GABRB3: variants seen among roughly 807,000 people sequenced by gnomAD.
GABRB3 encodes the protein gamma-aminobutyric acid receptor subunit beta-3.
In GABRB3, 14 loss-of-function variants were observed where a neutral mutation model predicts 52.1. That is an observed-to-expected ratio of 0.27 (90% confidence interval 0.18 to 0.42). GABRB3 has a LOEUF of 0.42. GABRB3 is among the 10% of genes least tolerant of loss of function. GABRB3 has a pLI of 1.00. For synonymous variants in GABRB3, 260 were observed against 232.3 expected, an observed-to-expected ratio of 1.12 and a Z score of -1.08; for missense variants, 307 against 609.1, an observed-to-expected ratio of 0.50 and a Z score of 5.22.
chr15:26,759,140 G>GT (rs2140180943), intron 3 of GABRB3, among the ~76,000 whole-genome samples: 1 of 152,132 alleles, frequency 6.6e-6, no homozygotes, highest in African/African-American at 2.4e-5. Flanking sequence ...CACATCTCTG[G>GT]TGCAGGCAGA....
At chr15:26,576,274 A>G (rs1421664110) in intron 6 of GABRB3, among the ~76,000 whole-genome samples, 1 of 152,210 alleles carries the variant, frequency 6.6e-6, no homozygotes, top group Non-Finnish European at 1.5e-5. Flanking sequence ...ACTGAGCTTT[A>G]TAGTGCTTTC....
At chr15:26,771,370 C>T (rs1416383507) in intron 3 of GABRB3, among the ~76,000 whole-genome samples, 3 of 152,112 alleles carry the variant, frequency 2.0e-5, no homozygotes, top group Non-Finnish European at 4.4e-5. Flanking sequence ...CAAGTTTGCC[C>T]ACGTGATTCC....
chr15:26,702,419 A>G (rs538393963), intron 3 of GABRB3, among the ~76,000 whole-genome samples: 2 of 152,240 alleles, frequency 1.3e-5, no homozygotes, highest in African/African-American at 4.8e-5. Flanking sequence ...AAAAGAGTGG[A>G]ACAGCCACTT....
chr15:26,772,632 C>T (rs1891183022), intron 2 of GABRB3, 49 bp downstream of exon 2: 3 of 1,495,330 alleles, frequency 2.0e-6, no homozygotes, highest in East Asian at 2.7e-5. Flanking sequence ...CCCAGGCCGC[C>T]GCCGCCGTGG....
At chr15:26,770,755 C>T (rs1033716660) in intron 3 of GABRB3, among the ~76,000 whole-genome samples, 1 of 152,196 alleles carries the variant, frequency 6.6e-6, no homozygotes, top group Non-Finnish European at 1.5e-5. Context: ...ATTGTCTTCT[C>T]TAGAGAATGT....
chr15:26,760,809 G>GCACACAAACACACACACA (rs1890798692), intron 3 of GABRB3, among the ~76,000 whole-genome samples: 2 of 149,286 alleles, frequency 1.3e-5, no homozygotes, highest in Non-Finnish European at 3.0e-5. Flanking sequence ...ACACGCGCAC[G>GCACACAAACACACACACA]CACACACACA....
intron 3 of GABRB3, among the ~76,000 whole-genome samples, chr15:26,648,081 C>T (rs913709824): frequency 3.3e-5 from 5 of 152,158 alleles, no homozygotes; most frequent in African/African-American, 1.2e-4. Flanking sequence ...ACCGTCATGA[C>T]CATCCATCTG....
At position 26,756,501 on chromosome 15, in the gene GABRB3, G is replaced by A. The variant is rs187001967; in HGVS notation, c.240+15901C>T. On this transcript the variant is annotated intron_variant, in intron 3 of 8. Coordinates refer to ENST00000311550, the MANE Select transcript of GABRB3 (RefSeq NM_000814.6). ...CCTGAGGTGGGAGGGTCACTTGAGCGCAGGAGGCAGAGGTTGCAGTGAGCC... is the reference window on the plus strand; with the variant it reads ...CCTGAGGTGGGAGGGTCACTTGAGCACAGGAGGCAGAGGTTGCAGTGAGCC... 1.2e-3 allele frequency among the ~76,000 whole-genome samples: 179 copies of A among 151,962 alleles called. 4 individuals carry two copies. The East Asian group carries it at 0.02, about 17-fold the overall frequency.
intron 8 of GABRB3, chr15:26,549,955 A>G (rs1293110850): frequency 6.6e-6 from 1 of 152,216 alleles, no homozygotes; most frequent in Middle Eastern, 3.2e-3. Context: ...GGTTTCCAGC[A>G]CATCAGGCAG....
chr15:26,555,885 A>G (rs902301011), intron 8 of GABRB3, among the ~76,000 whole-genome samples: 1 of 152,210 alleles, frequency 6.6e-6, no homozygotes, highest in African/African-American at 2.4e-5. Context: ...GTATGTAGAA[A>G]ATTTCCACAA....
At chr15:26,627,142 A>T (rs1892729999) in intron 3 of GABRB3, among the ~76,000 whole-genome samples, 2 of 152,134 alleles carry the variant, frequency 1.3e-5, no homozygotes, top group South Asian at 4.2e-4. Context: ...AAATCCAACA[A>T]TAAAACCTGG....
intron 3 of GABRB3, among the ~76,000 whole-genome samples, chr15:26,733,164 G>C (rs1031542723): frequency 1.3e-5 from 2 of 151,872 alleles, no homozygotes; most frequent in Admixed American, 1.3e-4. Flanking sequence ...AATTAGACAA[G>C]AAAAATAAAT....
intron 3 of GABRB3, chr15:26,771,733 T>G (rs4906690): frequency 0.92 from 140,439 of 152,296 alleles, 64,802 homozygotes; most frequent in East Asian, 1. Flanking sequence ...AGTGACACTG[T>G]GTCACCAGCC....
intron 3 of GABRB3, among the ~76,000 whole-genome samples, chr15:26,635,638 C>T (rs1401671569): frequency 6.6e-6 from 1 of 152,122 alleles, no homozygotes; most frequent in Non-Finnish European, 1.5e-5. Context: ...GGGTTTTTTA[C>T]TCCCTTTCAT....
At chr15:26,762,727 G>A (rs1890854004) in intron 3 of GABRB3, among the ~76,000 whole-genome samples, 1 of 152,128 alleles carries the variant, frequency 6.6e-6, no homozygotes. Context: ...CTATAGGACG[G>A]TGTTCTCTAA....
chr15:26,572,554 A>C (rs1890446469), intron 6 of GABRB3, among the ~76,000 whole-genome samples: 1 of 152,228 alleles, frequency 6.6e-6, no homozygotes, highest in Non-Finnish European at 1.5e-5. Context: ...AGAGTACATA[A>C]AAGTATTTTT....
chr15:26,744,742 A>T (rs796512389), intron 3 of GABRB3, among the ~76,000 whole-genome samples: 1 of 152,214 alleles, frequency 6.6e-6, no homozygotes, highest in Non-Finnish European at 1.5e-5. Flanking sequence ...AGAAACTTTC[A>T]TTAAAACTTG....
intron 3 of GABRB3, among the ~76,000 whole-genome samples, chr15:26,724,953 T>C (rs1889732455): frequency 6.6e-6 from 1 of 152,194 alleles, no homozygotes; most frequent in Non-Finnish European, 1.5e-5. Flanking sequence ...TCCAAATTTA[T>C]GACCCTTGAC....
At chr15:26,611,211 T>G (rs1892057219) in intron 4 of GABRB3, among the ~76,000 whole-genome samples, 1 of 152,174 alleles carries the variant, frequency 6.6e-6, no homozygotes, top group Non-Finnish European at 1.5e-5. Context: ...ATGAAAGGCT[T>G]GAGTAAATGT....
Sources: allele counts gnomAD v4.1 joint callset (sites outside exome capture counted in the v4.1 genomes callset), GRCh38; gene constraint gnomAD v4.1.1; transcripts MANE v1.5; gene names NCBI Gene and HGNC (gene_info 2026-07-23, HGNC 2026-07-21).